Variants in AFF3 observed in about 807,000 individuals in gnomAD.
AFF3 encodes the protein AF4/FMR2 family member 3.
Under a neutral mutation model 129.7 loss-of-function variants are expected in AFF3, and 32 were observed. The ratio of observed to expected loss-of-function variants is 0.25; its 90% CI spans 0.19 to 0.33. The LOEUF (loss-of-function observed/expected upper bound fraction) is 0.33. Among genes scored for constraint, AFF3 ranks in the 10% least tolerant of loss-of-function variants. AFF3 has a pLI of 1.00. For synonymous variants in AFF3, 644 were observed against 635.4 expected (o/e 1.01, Z -0.20); for missense variants, 1,373 against 1,592.0 (o/e 0.86, Z 2.34).
intron 7 of AFF3, 112 bp from the exon 8 acceptor site, chr2:99,837,636 G>T: frequency 2.2e-6 from 2 of 923,608 alleles, no homozygotes; most frequent in Non-Finnish European, 3.4e-6. Flanking sequence ...GCGAGTTACA[G>T]GTTGAGGGGA....
chr2:99,897,270 G>C (rs1450898420), intron 7 of AFF3, among the ~76,000 whole-genome samples: 1 of 152,088 alleles, frequency 6.6e-6, no homozygotes, highest in Non-Finnish European at 1.5e-5. Context: ...AGACAAATTG[G>C]ATGGTAAGCA....
chr2:99,842,489 C>A (rs547012253), intron 7 of AFF3, among the ~76,000 whole-genome samples: 1 of 152,226 alleles, frequency 6.6e-6, no homozygotes, highest in Non-Finnish European at 1.5e-5. Context: ...AGTTGCTGAG[C>A]TGTTGCTCCG....
intron 15 of AFF3, among the ~76,000 whole-genome samples, chr2:99,589,835 T>TC (rs1181290377): frequency 2.0e-5 from 3 of 152,144 alleles, no homozygotes; most frequent in Admixed American, 2.0e-4. Flanking sequence ...GGCCCTTTGT[T>TC]CAAAAAGCAG....
intron 17 of AFF3, among the ~76,000 whole-genome samples, chr2:99,582,345 G>A (rs555580375): frequency 6.6e-6 from 1 of 152,266 alleles, no homozygotes; most frequent in South Asian, 2.1e-4. Flanking sequence ...ACTGGAAAAG[G>A]GGTGGTGGTG....
At chr2:99,892,392 T>C (rs11891106) in intron 7 of AFF3, among the ~76,000 whole-genome samples, 3,975 of 152,268 alleles carry the variant, frequency 0.026, 168 homozygotes, top group African/African-American at 0.089. Context: ...AAGCCAACTA[T>C]AAATTAAATG....
At chr2:99,902,964 A>C (rs1347437994) in intron 7 of AFF3, among the ~76,000 whole-genome samples, 1 of 152,166 alleles carries the variant, frequency 6.6e-6, no homozygotes, top group Non-Finnish European at 1.5e-5. Context: ...TACAACTACC[A>C]AGGACACAAA....
chr2:99,709,802 T>C (rs991527748), intron 11 of AFF3, among the ~76,000 whole-genome samples: 1 of 152,212 alleles, frequency 6.6e-6, no homozygotes, highest in Non-Finnish European at 1.5e-5. Flanking sequence ...TTCTCATCCC[T>C]ACCCCCAAAG....
intron 8 of AFF3, among the ~76,000 whole-genome samples, chr2:99,836,370 C>A (rs1422786481): frequency 6.6e-6 from 1 of 152,096 alleles, no homozygotes; most frequent in Non-Finnish European, 1.5e-5. Context: ...AGAATAGAGA[C>A]AATATAGATA....
rs530711954 is a variant in AFF3, at chr2:99,631,267, C to T, written c.1184+18359G>A. On this transcript the variant is annotated intron_variant, in intron 13 of 24. Coordinates refer to ENST00000672756, the MANE Select transcript of AFF3 (RefSeq NM_001386135.1). The stretch of plus-strand genomic sequence containing the variant: ...GGCCTGATTCTTGTGTGAACTGCCA[C>T]CTGTCATGACACCCAATCCAGACAA... Among the ~76,000 whole-genome samples the T allele has an allele frequency of 6.6e-5, 10 of 152,330 alleles. No individual in the cohort carries two copies. The South Asian group carries it at 1.5e-3, about 22-fold the overall frequency.
Position 100,118,397 on chromosome 2 carries a change from C to T in AFF3, c.-145+10827G>A, listed in dbSNP as rs1175810319. Among the ~76,000 whole-genome samples the T allele has an allele frequency of 1.3e-5, 2 of 152,126 alleles. 1 individual carries two copies. The highest frequency in any genetic ancestry group is 3.9e-4 in the East Asian group (2 of 5,186). On this transcript the variant is annotated intron_variant, in intron 2 of 24. Coordinates refer to ENST00000672756, the MANE Select transcript of AFF3 (RefSeq NM_001386135.1). ...CTAGAAGCAGTGCAATTTTAGGCAG[C>T]TTACTTAAACTTTCTAATTACCACT...
chr2:99,786,470 T>G lies in AFF3; in HGVS notation c.922-34169A>C, dbSNP rs1445388559. Among the ~76,000 whole-genome samples the G allele has an allele frequency of 3.3e-5, 5 of 152,220 alleles. No homozygotes were observed. The East Asian group carries it at 9.6e-4, about 29-fold the overall frequency. On this transcript the variant is annotated intron_variant, in intron 8 of 24. Coordinates refer to ENST00000672756, the MANE Select transcript of AFF3 (RefSeq NM_001386135.1). ...GTTCAGATAAAATAAAGTTCACCTT[T>G]AAAACAACAGATGTTTAAAAAAATC...
chr2:100,140,391 C>T (rs1219686904), intron 1 of AFF3, among the ~76,000 whole-genome samples: 1 of 152,166 alleles, frequency 6.6e-6, no homozygotes, highest in Non-Finnish European at 1.5e-5. Context: ...GTTTCTTAAA[C>T]TCTCTGAAAC....
intron 4 of AFF3, among the ~76,000 whole-genome samples, chr2:100,044,118 T>C (rs535871229): frequency 5.3e-5 from 8 of 152,296 alleles, no homozygotes; most frequent in African/African-American, 1.9e-4. Context: ...GGAGGAGTGA[T>C]GAGGGTGGTG....
intron 7 of AFF3, among the ~76,000 whole-genome samples, chr2:99,882,666 A>G (rs371108565): frequency 2.6e-5 from 4 of 152,180 alleles, no homozygotes; most frequent in African/African-American, 9.7e-5. Flanking sequence ...TGCATAATCC[A>G]CTGGCCATCC....
chr2:99,731,896 G>A (rs773710926), intron 10 of AFF3, among the ~76,000 whole-genome samples: 7 of 152,168 alleles, frequency 4.6e-5, no homozygotes, highest in Non-Finnish European at 7.3e-5. Context: ...AATAGAGCAC[G>A]CATTTAGTGA....
chr2:100,073,027 G>T (rs1559106045), intron 4 of AFF3, among the ~76,000 whole-genome samples: 1 of 152,200 alleles, frequency 6.6e-6, no homozygotes, highest in Non-Finnish European at 1.5e-5. Flanking sequence ...AACGCTGTGA[G>T]TGTCAATGTT....
At chr2:100,099,364 CT>C (rs758593688) in intron 4 of AFF3, among the ~76,000 whole-genome samples, 7 of 152,362 alleles carry the variant, frequency 4.6e-5, no homozygotes, top group South Asian at 4.1e-4. Flanking sequence ...CGCATGCCCC[CT>C]GGCAGTTGAT....
At chr2:99,813,183 T>G (rs765063622) in intron 8 of AFF3, among the ~76,000 whole-genome samples, 1 of 152,028 alleles carries the variant, frequency 6.6e-6, no homozygotes, top group Non-Finnish European at 1.5e-5. Flanking sequence ...CAGGCAGAGG[T>G]TGGAGGGACG....
At chr2:99,652,412 C>T (rs1685341938) in intron 12 of AFF3, among the ~76,000 whole-genome samples, 1 of 152,050 alleles carries the variant, frequency 6.6e-6, no homozygotes, top group South Asian at 2.1e-4. Flanking sequence ...CAGGAAGGTC[C>T]CTTGTATAAT....
Sources: allele counts gnomAD v4.1 joint callset (sites outside exome capture counted in the v4.1 genomes callset), GRCh38; gene constraint gnomAD v4.1.1; transcripts MANE v1.5; gene names NCBI Gene and HGNC (gene_info 2026-07-23, HGNC 2026-07-21).